Variants in DPF3 observed in about 807,000 individuals in gnomAD.
DPF3 encodes double PHD fingers 3, also known as zinc finger protein DPF3.
DPF3 carries 18 observed loss-of-function variants against 56.8 expected under a neutral mutation model. The observed-to-expected ratio is 0.32, with a 90% CI of 0.22 to 0.47. DPF3 has a LOEUF of 0.47. Ranked by LOEUF, DPF3 falls within the 20% of genes least tolerant of loss-of-function variation. The probability of loss-of-function intolerance (pLI) is 1.00; values close to 1 mark genes in which losing one functional copy is unlikely to be tolerated. For missense variants in DPF3, 403 were observed against 488.8 expected, an observed-to-expected ratio of 0.82 and a Z score of 1.65; for synonymous variants, 188 against 180.2, an observed-to-expected ratio of 1.04 and a Z score of -0.35.
chr14:72,736,878 T>C (rs1022596638), intron 3 of DPF3, among the ~76,000 whole-genome samples: 3 of 152,044 alleles, frequency 2.0e-5, no homozygotes, highest in Admixed American at 6.5e-5. Flanking sequence ...AACACACACA[T>C]AATTCATCTT....
intron 8 of DPF3, among the ~76,000 whole-genome samples, chr14:72,649,584 A>T (rs1273087945): frequency 6.8e-6 from 1 of 146,080 alleles, no homozygotes; most frequent in African/African-American, 2.5e-5. Context: ...GTTCTTGCTT[A>T]TTCAGGAGCT....
chr14:72,822,131 A>G (rs10873251), intron 1 of DPF3, among the ~76,000 whole-genome samples: 14,245 of 152,304 alleles, frequency 0.094, 824 homozygotes, highest in Admixed American at 0.18. Flanking sequence ...TAATCCCAGC[A>G]CTTTGGGAGG....
intron 1 of DPF3, among the ~76,000 whole-genome samples, chr14:72,893,838 A>G (rs927551620): frequency 2.0e-5 from 3 of 152,140 alleles, no homozygotes; most frequent in Non-Finnish European, 4.4e-5. Context: ...CAGAACACAA[A>G]TGTAACAATT....
At chr14:72,850,022 G>T (rs1198278856) in intron 1 of DPF3, among the ~76,000 whole-genome samples, 1 of 152,096 alleles carries the variant, frequency 6.6e-6, no homozygotes, top group Non-Finnish European at 1.5e-5. Context: ...GGGAGGCTGA[G>T]GCTGAAGAAT....
chr14:72,733,918 A>G (rs1889781167), intron 3 of DPF3, among the ~76,000 whole-genome samples: 1 of 152,250 alleles, frequency 6.6e-6, no homozygotes. Context: ...GAAGGTGGGA[A>G]GGAGAAACAG....
chr14:72,640,046 T>TAAAAAAAAAAAAAAGAAAAAAAAAAA (rs1885499776), intron 8 of DPF3, among the ~76,000 whole-genome samples: 1 of 45,268 alleles, frequency 2.2e-5, no homozygotes, highest in Non-Finnish European at 4.0e-5. Flanking sequence ...GTTTTCTAAG[T>TAAAAAAAAAAAAAAGAAAAAAAAAAA]AAAAAAAAAA....
intron 1 of DPF3, among the ~76,000 whole-genome samples, chr14:72,877,399 A>G (rs1886155812): frequency 6.6e-6 from 1 of 152,100 alleles, no homozygotes; most frequent in South Asian, 2.1e-4. Flanking sequence ...GTTGGGCAAT[A>G]AAGATTATTC....
At chr14:72,795,295 A>ATATATAT (rs1370331515) in intron 1 of DPF3, among the ~76,000 whole-genome samples, 1 of 102,934 alleles carries the variant, frequency 9.7e-6, no homozygotes, top group Non-Finnish European at 1.9e-5. Flanking sequence ...AAAAAAAAAA[A>ATATATAT]ATATATATAT....
At chr14:72,707,673 T>TGC (rs1282847231) in intron 6 of DPF3, among the ~76,000 whole-genome samples, 15 of 125,928 alleles carry the variant, frequency 1.2e-4, no homozygotes, top group Non-Finnish European at 2.5e-4. Flanking sequence ...TCGTCTTCTG[T>TGC]GTGCGTGTGT....
intron 1 of DPF3, among the ~76,000 whole-genome samples, chr14:72,817,384 C>T (rs1456463545): frequency 6.6e-6 from 1 of 152,110 alleles, no homozygotes; most frequent in Non-Finnish European, 1.5e-5. Flanking sequence ...TGGCTGGGCA[C>T]GGTGGCTCAC....
At position 72,707,291 on chromosome 14, in the gene DPF3, G is replaced by A. The variant is rs138781022; in HGVS notation, c.604+7132C>T. 2.6e-3 allele frequency among the ~76,000 whole-genome samples: 393 copies of A among 152,236 alleles called. 1 individual carries two copies. The highest frequency in any genetic ancestry group is 0.01 in the South Asian group (49 of 4,820). ...GAATAGTGCCGCAATAAACATACGT[G>A]TGCATGTGTCTTTATAGCAGCATGA... On this transcript the variant is annotated intron_variant, in intron 6 of 10. Transcript: ENST00000556509.
intron 3 of DPF3, among the ~76,000 whole-genome samples, chr14:72,735,196 C>T (rs755025637): frequency 2.6e-5 from 4 of 152,110 alleles, no homozygotes; most frequent in Non-Finnish European, 5.9e-5. Context: ...AGACTCACTC[C>T]ATAGTTTTCA....
At position 72,610,768 on chromosome 14, in the gene DPF3, T is replaced by C. The variant is rs576871317; in HGVS notation, c.*8529A>G. ...AGCCACTGGCTCTTGGGCTCCCAGG[T>C]TCATCCCTCAAGGAGCTGGGGACCT... On this transcript the variant is annotated 3_prime_UTR_variant, in exon 11 of 11. Coordinates refer to ENST00000556509, the MANE Select transcript of DPF3 (RefSeq NM_001280542.3). 2.4e-4 allele frequency among the ~76,000 whole-genome samples: 36 copies of C among 152,258 alleles called. No individual in the cohort carries two copies. The highest frequency in any genetic ancestry group is 8.4e-4 in the African/African-American group (35 of 41,556).
chr14:72,856,834 G>C (rs574071226), intron 1 of DPF3, among the ~76,000 whole-genome samples: 47 of 152,326 alleles, frequency 3.1e-4, no homozygotes, highest in African/African-American at 1.1e-3. Flanking sequence ...GTCCAGCGCG[G>C]CCCCTGTGCC....
At chr14:72,884,940 C>CTATATATATATATA (rs773450437) in intron 1 of DPF3, among the ~76,000 whole-genome samples, 871 of 29,538 alleles carry the variant, frequency 0.029, 100 homozygotes, top group Non-Finnish European at 0.032. Context: ...ACTAAAAATA[C>CTATATATATATATA]TATATATATA....
intron 8 of DPF3, chr14:72,670,470 G>C: frequency 1.0e-6 from 1 of 986,072 alleles, no homozygotes; most frequent in Non-Finnish European, 1.2e-6. Context: ...CGCAAGCAGA[G>C]AGGAAGATGG....
Position 72,662,948 on chromosome 14 carries a change from A to AAG in DPF3, c.871+11291_871+11292insCT, listed in dbSNP as rs1886278972. The AAG allele has an allele frequency of 7.1e-6, 5 of 700,620 alleles. No individual in the cohort carries two copies. In the South Asian group the frequency reaches 2.6e-4, roughly 36 times the overall value. The allele number at this position is 700,620 out of a possible 1,614,324, so 43.4% of individuals were successfully genotyped here. A position where few individuals can be genotyped will look rare whatever the true frequency, so the allele number is the denominator to read the frequency against. ...AGAAATGAAATGAATTAAAAAAAAAAAAGAAGAAGAAAGAAAGAAAACCAC... is the reference window on the plus strand; with the variant it reads ...AGAAATGAAATGAATTAAAAAAAAAAAGAAGAAGAAGAAAGAAAGAAAACCAC... On this transcript the variant is annotated intron_variant, in intron 8 of 10. Transcript: ENST00000556509.
intron 1 of DPF3, among the ~76,000 whole-genome samples, chr14:72,872,369 G>A (rs1044915862): frequency 6.6e-6 from 1 of 152,178 alleles, no homozygotes; most frequent in Non-Finnish European, 1.5e-5. Flanking sequence ...TTCTGCAGCC[G>A]ACTTGAATTT....
intron 1 of DPF3, among the ~76,000 whole-genome samples, chr14:72,777,906 T>C (rs1891811892): frequency 6.6e-6 from 1 of 152,112 alleles, no homozygotes; most frequent in Non-Finnish European, 1.5e-5. Context: ...CTTTATAAAT[T>C]ACCAAATCTC....
Sources: gnomAD v4.1 joint callset for allele counts (sites outside exome capture counted in the v4.1 genomes callset) on GRCh38, gnomAD v4.1.1 for gene constraint, MANE v1.5 for transcripts, NCBI Gene and HGNC (gene_info 2026-07-23, HGNC 2026-07-21) for gene names.